The following AGBL5 variants were observed in gnomAD, a reference collection of about 807,000 sequenced individuals.
AGBL5 encodes cytosolic carboxypeptidase-like protein 5.
Under a neutral mutation model 88.0 loss-of-function variants are expected in AGBL5, and 51 were observed. That is an observed-to-expected ratio of 0.58 (90% confidence interval 0.46 to 0.73). The LOEUF (loss-of-function observed/expected upper bound fraction) is 0.73, where lower values mean the gene tolerates loss of function less well. Among genes scored for constraint, AGBL5 ranks in the 30% least tolerant of loss-of-function variants. The pLI is 0.00. For missense variants in AGBL5, 1,031 were observed against 1,162.2 expected (o/e 0.89, Z 1.64); for synonymous variants, 446 against 438.8 (o/e 1.02, Z -0.21).
chr2:27,058,716 A>C, intron 10 of AGBL5, 114 bp downstream of exon 10: 2 of 1,136,708 alleles, frequency 1.8e-6, no homozygotes, highest in Non-Finnish European at 2.5e-6. Context: ...CCAAATGGCA[A>C]ATATCTTCAG....
chr2:27,050,783 C>G (rs1006333822), upstream of AGBL5, among the ~76,000 whole-genome samples: 1 of 152,212 alleles, frequency 6.6e-6, no homozygotes, highest in Non-Finnish European at 1.5e-5. Flanking sequence ...GCAGCGGAGC[C>G]TTCGATAGCT....
Position 27,055,203 on chromosome 2 carries a change from T to C in AGBL5, c.858T>C (p.Phe286=), listed in dbSNP as rs769317509. ...RAQTLRRLFV[F]KLIPMLNPDG... ...AAACCCTCCGTCGCCTCTTCGTCTT[T>C]AAGCTGATTCCCATGTTGAACCCCG... is the stretch of plus-strand genomic sequence containing the variant. The change falls in exon 6 of 15, where the codon TTT becomes TTC. Residue 286 remains phenylalanine (F), a synonymous_variant. Coordinates refer to ENST00000360131, the MANE Select transcript of AGBL5 (RefSeq NM_021831.6). 1.3e-5 allele frequency: 21 copies of C among 1,614,088 alleles called. No homozygotes were observed. Among genetic ancestry groups the C allele is most frequent in the Non-Finnish European group, 1.6e-5 (19 of 1,180,050 alleles).
intron 13 of AGBL5, 106 bp from the exon 14 acceptor site, chr2:27,069,467 G>A: frequency 6.5e-7 from 1 of 1,533,720 alleles, no homozygotes; most frequent in Non-Finnish European, 8.8e-7. Context: ...TACCTCTACT[G>A]ATCCCTATAC....
At chr2:27,056,359 T>C (rs1668433901) in intron 7 of AGBL5, 1 of 618,330 alleles carries the variant, frequency 1.6e-6, no homozygotes, top group African/African-American at 1.8e-5. Flanking sequence ...GCTAACTGCA[T>C]TATAGTCTGC....
Position 27,068,695 on chromosome 2 carries a change from G to C in AGBL5, c.2306G>C (p.Gly769Ala), listed in dbSNP as rs1369865551. 6.2e-7 allele frequency: 1 copy of C among 1,614,126 alleles called. No homozygotes were observed. The stretch of plus-strand genomic sequence containing the variant: ...GAGGCTGTCATGGTAATCGGGAAAG[G>C]TCTGCTAGGGACTGGAGCTCGGATG... ...KPEAVMVIGK[G>A]LLGTGARMPC... The change falls in exon 13 of 15, where the codon GGT becomes GCT. Residue 769 changes from glycine (G) to alanine (A), a missense_variant. Gly to Ala is a moderately conservative substitution (Grantham distance 60, BLOSUM62 0). Around this residue, in one of 2 missense-constraint regions of AGBL5, gnomAD observed 491 missense variants for 484.0 expected, o/e 1.01. Transcript: ENST00000360131.
intron 11 of AGBL5, among the ~76,000 whole-genome samples, chr2:27,060,737 AT>A (rs1413120480): frequency 6.6e-6 from 1 of 152,192 alleles, no homozygotes; most frequent in African/African-American, 2.4e-5. Flanking sequence ...AGGCAACTTG[AT>A]TATCTGCTTC....
rs143005442 is a variant in AGBL5 at position 27,069,753 on chromosome 2, CCT to C, written c.2489+49_2489+50del. 6.5e-3 allele frequency: 10,255 copies of C among 1,567,134 alleles called. 65 individuals are homozygous for C. The highest frequency in any genetic ancestry group is 7.6e-3 in the Non-Finnish European group (8,776 of 1,152,286). On this transcript the variant is annotated intron_variant, in intron 14 of 14. Transcript: ENST00000360131. ...CTCACACCACCCCTCACTTCTGTCC[CCT>C]CATTCCCATTTCTGTCATTCAGAAT...
upstream of AGBL5, chr2:27,051,131 ATGTCC>A (rs141702653): frequency 5.3e-4 from 81 of 152,400 alleles, no homozygotes; most frequent in African/African-American, 1.9e-3. Context: ...TGCTAAATAA[ATGTCC>A]TGAACTGTGG....
chr2:27,069,533 G>A (rs778839136), intron 13 of AGBL5, 40 bp from the exon 14 acceptor site: 3 of 1,594,928 alleles, frequency 1.9e-6, no homozygotes, highest in Non-Finnish European at 2.6e-6. Context: ...AAAAACTCAT[G>A]GAAGAATCCA....
upstream of AGBL5, chr2:27,051,157 G>C (rs954939115): frequency 4.7e-4 from 71 of 152,364 alleles, no homozygotes; most frequent in African/African-American, 1.7e-3. Context: ...TTGATCCACT[G>C]GTCAGTGAAC....
Position 27,070,243 on chromosome 2 carries a change from A to G in AGBL5, c.2641A>G (p.Thr881Ala). Reference protein sequence around the residue: ...VCFVPKSPPLTVSPRV With the variant: ...VCFVPKSPPLAVSPRV ...TTTTGTCCCTAAATCTCCCCCACTG[A>G]CTGTTTCTCCCCGGGTCTGATAATG... Residue 881 changes from threonine (T) to alanine (A), a missense_variant, in exon 15 of 15, where the codon ACT becomes GCT. Physicochemically the swap from Thr to Ala is moderately conservative, Grantham distance 58. Transcript: ENST00000360131. 1 of 1,614,090 alleles carries G rather than the reference A, an allele frequency of 6.2e-7. No homozygotes were observed. Among genetic ancestry groups the G allele is most frequent in the Non-Finnish European group, 8.5e-7 (1 of 1,180,002 alleles).
chr2:27,059,159 C>G, intron 10 of AGBL5, 31 bp from the exon 11 acceptor site: 1 of 1,600,962 alleles, frequency 6.2e-7, no homozygotes, highest in Non-Finnish European at 8.5e-7. Flanking sequence ...ACCTTCCTGG[C>G]CCGGGTTAAC....
chr2:27,063,713 G>T (rs73921449), intron 11 of AGBL5, among the ~76,000 whole-genome samples: 1 of 152,130 alleles, frequency 6.6e-6, no homozygotes. Flanking sequence ...TTCCAAAGAC[G>T]TTCAGGGAGG....
At chr2:27,058,221 T>A (rs1668535963) in intron 9 of AGBL5, among the ~76,000 whole-genome samples, 179 bp from the exon 10 acceptor site, 2 of 152,176 alleles carry the variant, frequency 1.3e-5, no homozygotes, top group South Asian at 4.1e-4. Flanking sequence ...TTGGCGGTAG[T>A]TTAGGGAACA....
intron 11 of AGBL5, among the ~76,000 whole-genome samples, chr2:27,059,706 C>T (rs1237773938): frequency 6.6e-6 from 1 of 152,154 alleles, no homozygotes; most frequent in African/African-American, 2.4e-5. Flanking sequence ...GACATGGAGC[C>T]TCCACGTCAC....
chr2:27,052,928 C>A lies in AGBL5; in HGVS notation c.-31C>A, dbSNP rs117264293. On this transcript the variant is annotated 5_prime_UTR_variant, in exon 2 of 15. Coordinates refer to ENST00000360131, the MANE Select transcript of AGBL5 (RefSeq NM_021831.6). ...TTTCCCCCAGCTCTCAGGGCCAGAG[C>A]GGGGCAGGAGGATGCTTTCCCAGCC... 1.1e-4 allele frequency: 172 copies of A among 1,539,066 alleles called. No individual in the cohort carries two copies. The highest frequency in any genetic ancestry group is 1.3e-4 in the Non-Finnish European group (150 of 1,134,736).
chr2:27,069,340 G>A, intron 13 of AGBL5: 2 of 985,388 alleles, frequency 2.0e-6, no homozygotes, highest in Non-Finnish European at 2.4e-6. Context: ...GCGGTTAAAT[G>A]CTGGATCCGT....
intron 5 of AGBL5, 68 bp from the exon 6 acceptor site, chr2:27,055,007 C>T: frequency 6.5e-7 from 1 of 1,537,216 alleles, no homozygotes; most frequent in East Asian, 2.3e-5. Flanking sequence ...TCCATGACAC[C>T]CCCCATATAC....
chr2:27,053,781 G>A lies in AGBL5; in HGVS notation c.388-115G>A. ...CACTTTTCATATAGAAAGTGTCACA[G>A]GGAGGGAAGTTGGTAAAGGTGATAA... On this transcript the variant is annotated intron_variant, in intron 3 of 14. Transcript: ENST00000360131. This position sits in a 1 kb window ranked among gnomAD's most constrained non-coding sequence, Gnocchi z 4.9. 6.9e-7 allele frequency: 1 copy of A among 1,450,958 alleles called. No homozygotes were observed. The highest frequency in any genetic ancestry group is 1.4e-5 in the African/African-American group (1 of 70,476). The allele number at this position is 1,450,958 out of a possible 1,614,324, so 89.9% of individuals were successfully genotyped here. A position where few individuals can be genotyped will look rare whatever the true frequency, so the allele number is the denominator to read the frequency against.
Sources: gnomAD v4.1 joint callset for allele counts (sites outside exome capture counted in the v4.1 genomes callset) on GRCh38, gnomAD v4.1.1 for gene constraint, gnomAD v4.1.1 regional missense constraint, Gnocchi (gnomAD v3.1) non-coding constraint, MANE v1.5 for transcripts, NCBI Gene and HGNC (gene_info 2026-07-23, HGNC 2026-07-21) for gene names.